Variants in DOCK5 observed in about 807,000 individuals in gnomAD.
DOCK5 encodes the protein dedicator of cytokinesis protein 5.
DOCK5 carries 142 observed loss-of-function variants against 251.8 expected under a neutral mutation model. That is an observed-to-expected ratio of 0.56 (90% CI 0.49 to 0.65). DOCK5 has a LOEUF of 0.65. Ranked by LOEUF, DOCK5 falls within the 30% of genes least tolerant of loss-of-function variation. The probability of loss-of-function intolerance (pLI) is 0.00; values close to 1 mark genes in which losing one functional copy is unlikely to be tolerated. For synonymous variants in DOCK5, 842 were observed against 835.5 expected, an observed-to-expected ratio of 1.01 and a Z score of -0.13; for missense variants, 2,111 against 2,312.3, an observed-to-expected ratio of 0.91 and a Z score of 1.79.
At chr8:25,305,618 A>T in intron 11 of DOCK5, among the ~76,000 whole-genome samples, 1 of 152,212 alleles carries the variant, frequency 6.6e-6, no homozygotes, top group East Asian at 1.9e-4. Flanking sequence ...TATATAAAGA[A>T]TTAATAGAAA....
chr8:25,302,363 C>G lies in DOCK5; in HGVS notation c.885C>G (p.Ser295Arg). The G allele has an allele frequency of 6.2e-7, 1 of 1,613,378 alleles. No homozygotes were observed. The highest frequency in any genetic ancestry group is 1.3e-5 in the African/African-American group (1 of 75,028). The part of the protein sequence containing the change: ...SSMDLIRPRV[S>R]LVCQIVRVGH... ...TGGACCTCATCCGGCCCCGCGTCAG[C>G]CTTGTGTGCCAGATTGTCCGCGTGG... The change falls in exon 10 of 52, where the codon AGC becomes AGG. Residue 295 changes from serine (S) to arginine (R), a missense_variant. Around this residue, in one of 3 missense-constraint regions of DOCK5, gnomAD observed 59 missense variants for 95.0 expected, o/e 0.62. Transcript: ENST00000276440.
intron 23 of DOCK5, 104 bp from the exon 24 acceptor site, chr8:25,341,635 C>T: frequency 1.1e-6 from 1 of 900,802 alleles, no homozygotes; most frequent in Non-Finnish European, 1.8e-6. Flanking sequence ...TGTCCAGTTC[C>T]CTATATAAGT....
intron 20 of DOCK5, among the ~76,000 whole-genome samples, chr8:25,333,039 C>T (rs1350863738): frequency 6.6e-6 from 1 of 152,156 alleles, no homozygotes; most frequent in Non-Finnish European, 1.5e-5. Context: ...TGTGTTTATG[C>T]AAGGGAGACT....
intron 1 of DOCK5, among the ~76,000 whole-genome samples, chr8:25,233,571 T>C (rs1206455621): frequency 6.6e-6 from 1 of 152,176 alleles, no homozygotes; most frequent in Non-Finnish European, 1.5e-5. Context: ...AAACACCAGC[T>C]CACTTTACTG....
chr8:25,342,374 C>G, intron 24 of DOCK5, 27 bp from the exon 25 acceptor site: 2 of 1,543,046 alleles, frequency 1.3e-6, no homozygotes, highest in South Asian at 1.2e-5. Flanking sequence ...AACGAAGACA[C>G]TACTAACCCT....
In DOCK5 at chr8:25,272,526, C is replaced by G. The variant is rs572533491; in HGVS notation, c.169-2860C>G. Among the ~76,000 whole-genome samples, 32 of 152,258 alleles carry G rather than the reference C, an allele frequency of 2.1e-4. 1 individual carries two copies. Among genetic ancestry groups the G allele is most frequent in the Middle Eastern group, 6.8e-3 (2 of 294 alleles). On this transcript the variant is annotated intron_variant, in intron 3 of 51. Coordinates refer to ENST00000276440, the MANE Select transcript of DOCK5 (RefSeq NM_024940.8). ...CATGAAAATTTTAATTGGTCCTTTACCTTCTGATTTCAAAAACCTTCAGCA... is the reference window on the plus strand; with the variant it reads ...CATGAAAATTTTAATTGGTCCTTTAGCTTCTGATTTCAAAAACCTTCAGCA...
intron 45 of DOCK5, among the ~76,000 whole-genome samples, chr8:25,399,090 A>G (rs1465940186): frequency 3.9e-5 from 6 of 152,230 alleles, no homozygotes; most frequent in African/African-American, 1.2e-4. Flanking sequence ...ACTTTCAGAA[A>G]TGAATGTTAA....
intron 45 of DOCK5, among the ~76,000 whole-genome samples, chr8:25,397,828 A>AATAC (rs533088266): frequency 9.7e-4 from 148 of 152,120 alleles, no homozygotes; most frequent in South Asian, 2.1e-3. Flanking sequence ...AGCTAGGATA[A>AATAC]ATACATACAT....
chr8:25,206,390 C>T (rs1404394588), intron 1 of DOCK5, among the ~76,000 whole-genome samples: 2 of 152,110 alleles, frequency 1.3e-5, no homozygotes, highest in Non-Finnish European at 2.9e-5. Flanking sequence ...GAGTTTGTAG[C>T]ATTCACCAAT....
chr8:25,283,243 T>C (rs1170889262), intron 5 of DOCK5, among the ~76,000 whole-genome samples: 17 of 152,254 alleles, frequency 1.1e-4, no homozygotes. Flanking sequence ...TATATTATTA[T>C]TGTTTTCTGT....
chr8:25,379,849 T>TACAC (rs10569921), intron 38 of DOCK5, among the ~76,000 whole-genome samples: 6,785 of 146,724 alleles, frequency 0.046, 231 homozygotes, highest in South Asian at 0.1. Flanking sequence ...TCACTACACC[T>TACAC]ACACACACAC....
rs1034196965 is a variant in DOCK5 at position 25,369,036 on chromosome 8, A to G, written c.3438+311A>G. Among the ~76,000 whole-genome samples the G allele has an allele frequency of 3.9e-5, 6 of 152,370 alleles. No individual in the cohort carries two copies. In the East Asian group the frequency reaches 1.2e-3, roughly 29 times the overall value. On this transcript the variant is annotated intron_variant, in intron 33 of 51. Coordinates refer to ENST00000276440, the MANE Select transcript of DOCK5 (RefSeq NM_024940.8). ...GCCTAGAGAATAATGTAGTGAATTG[A>G]ATTTAAAAACCTATCTATTATAGTA... is the stretch of plus-strand genomic sequence containing the variant.
intron 1 of DOCK5, among the ~76,000 whole-genome samples, chr8:25,222,416 C>G (rs1802415011): frequency 6.6e-6 from 1 of 152,200 alleles, no homozygotes; most frequent in Admixed American, 6.5e-5. Flanking sequence ...TGAGAGCTCT[C>G]CTAGGAGTCA....
chr8:25,196,178 T>A (rs1801721153), intron 1 of DOCK5, among the ~76,000 whole-genome samples: 1 of 152,202 alleles, frequency 6.6e-6, no homozygotes, highest in African/African-American at 2.4e-5. Context: ...GGGATTTGCT[T>A]TTTTATTTTT....
At chr8:25,394,220 G>A (rs1196533327) in intron 44 of DOCK5, among the ~76,000 whole-genome samples, 2 of 151,974 alleles carry the variant, frequency 1.3e-5, no homozygotes, top group Admixed American at 6.6e-5. Context: ...GTGACACCCT[G>A]TCTCTAAAAG....
rs575448236 is a variant in DOCK5 at position 25,242,952 on chromosome 8, G to A, written c.44-722G>A. Among the ~76,000 whole-genome samples, 8 of 152,324 alleles carry A rather than the reference G, an allele frequency of 5.3e-5. No homozygotes were observed. The South Asian group carries it at 1.4e-3, about 28-fold the overall frequency. ...CTGTGTACTAGAGATCATCAGTTCC[G>A]TGTTCTTGCAGGCTGGCTGTTGTCT... On this transcript the variant is annotated intron_variant, in intron 1 of 51. Transcript: ENST00000276440.
intron 1 of DOCK5, among the ~76,000 whole-genome samples, chr8:25,232,565 G>C (rs920278007): frequency 6.6e-6 from 1 of 152,112 alleles, no homozygotes. Context: ...TCTGGTGAGG[G>C]CAACCTTCTG....
At chr8:25,319,002 A>G (rs2117197466) in intron 14 of DOCK5, among the ~76,000 whole-genome samples, 1 of 152,290 alleles carries the variant, frequency 6.6e-6, no homozygotes, top group South Asian at 2.1e-4. Flanking sequence ...TGTGCTGTTG[A>G]TAAGAGCACA....
Position 25,408,507 on chromosome 8 carries a change from AATGT to A in DOCK5, c.5266-294_5266-291del, listed in dbSNP as rs558134670. ...CTTTTCCTTCCATATCAAGTTGTTAAATGTGGCAAGACCACCTTTTCCTGAGAAT... is the reference window on the plus strand; with the variant it reads ...CTTTTCCTTCCATATCAAGTTGTTAAGGCAAGACCACCTTTTCCTGAGAAT... On this transcript the variant is annotated intron_variant, in intron 49 of 51. Transcript: ENST00000276440. Among the ~76,000 whole-genome samples the A allele has an allele frequency of 1.6e-3, 241 of 152,280 alleles. 1 individual carries two copies. The highest frequency in any genetic ancestry group is 5.5e-3 in the African/African-American group (230 of 41,556).
Sources: allele counts gnomAD v4.1 joint callset (sites outside exome capture counted in the v4.1 genomes callset), GRCh38; gene constraint gnomAD v4.1.1; regional missense constraint gnomAD v4.1.1; transcripts MANE v1.5; gene names NCBI Gene and HGNC (gene_info 2026-07-23, HGNC 2026-07-21).